PPP1R14C: variants seen among roughly 807,000 people sequenced by gnomAD.
PPP1R14C encodes protein phosphatase 1 regulatory subunit 14C.
PPP1R14C carries 16 observed loss-of-function variants against 20.4 expected under a neutral mutation model. That is an observed-to-expected ratio of 0.78 (90% CI 0.53 to 1.19). The LOEUF (loss-of-function observed/expected upper bound fraction) is 1.19, where lower values mean the gene tolerates loss of function less well. Ranked by LOEUF, PPP1R14C falls within the 50% of genes most tolerant of loss-of-function variation. The probability of loss-of-function intolerance (pLI) is 0.00; values close to 1 mark genes in which losing one functional copy is unlikely to be tolerated. For missense variants in PPP1R14C, 211 were observed against 220.1 expected, an observed-to-expected ratio of 0.96 and a Z score of 0.26; for synonymous variants, 91 against 91.0, an observed-to-expected ratio of 1.00 and a Z score of 0.00.
At chr6:150,180,002 G>A (rs1287467039) in intron 1 of PPP1R14C, among the ~76,000 whole-genome samples, 1 of 152,172 alleles carries the variant, frequency 6.6e-6, no homozygotes, top group Non-Finnish European at 1.5e-5. Flanking sequence ...AGGAGTTTGA[G>A]ACCAGCCTGG....
At chr6:150,160,803 T>G (rs114559475) in intron 1 of PPP1R14C, among the ~76,000 whole-genome samples, 152 of 152,266 alleles carry the variant, frequency 1.0e-3, no homozygotes, top group African/African-American at 3.5e-3. Flanking sequence ...TGCGAGCTGT[T>G]TCGATTGGTT....
chr6:150,246,782 G>A (rs1778497780), intron 3 of PPP1R14C, among the ~76,000 whole-genome samples: 1 of 152,196 alleles, frequency 6.6e-6, no homozygotes, highest in Non-Finnish European at 1.5e-5. Flanking sequence ...GAATTAAGCA[G>A]ATTGTATAAC....
At chr6:150,148,989 G>T (rs566211327) in intron 1 of PPP1R14C, among the ~76,000 whole-genome samples, 3 of 152,186 alleles carry the variant, frequency 2.0e-5, no homozygotes, top group African/African-American at 7.2e-5. Context: ...ACCTGAGCCC[G>T]GGGAGGTTAA....
chr6:150,211,264 C>G (rs1189044862), intron 1 of PPP1R14C, among the ~76,000 whole-genome samples: 1 of 152,240 alleles, frequency 6.6e-6, no homozygotes, highest in African/African-American at 2.4e-5. Flanking sequence ...GTGCCTTGCA[C>G]TCTGCGGACT....
intron 3 of PPP1R14C, among the ~76,000 whole-genome samples, chr6:150,245,207 G>C (rs1289879027): frequency 6.6e-6 from 1 of 152,072 alleles, no homozygotes; most frequent in Non-Finnish European, 1.5e-5. Flanking sequence ...CTACCCACTT[G>C]TTTCCATCTG....
chr6:150,219,583 T>C (rs1338596335), intron 3 of PPP1R14C, among the ~76,000 whole-genome samples: 1 of 152,172 alleles, frequency 6.6e-6, no homozygotes, highest in African/African-American at 2.4e-5. Flanking sequence ...AGTGTGTTTG[T>C]CAAACATGTA....
chr6:150,156,871 G>A (rs901849445), intron 1 of PPP1R14C, among the ~76,000 whole-genome samples: 15 of 152,176 alleles, frequency 9.9e-5, no homozygotes, highest in Admixed American at 3.3e-4. Context: ...ACCAGAAGCA[G>A]TTTACATGGA....
At chr6:150,188,882 A>C (rs1247734643) in intron 1 of PPP1R14C, among the ~76,000 whole-genome samples, 1 of 147,918 alleles carries the variant, frequency 6.8e-6, no homozygotes, top group Admixed American at 6.8e-5. Context: ...TTTTTTAGAC[A>C]GATTCTTGCT....
chr6:150,240,457 T>C (rs577793869), intron 3 of PPP1R14C, among the ~76,000 whole-genome samples: 10 of 152,356 alleles, frequency 6.6e-5, no homozygotes, highest in Admixed American at 2.0e-4. Flanking sequence ...GAGTGCTGGT[T>C]ACAGAAACCT....
intron 1 of PPP1R14C, among the ~76,000 whole-genome samples, chr6:150,168,872 A>G (rs1246221981): frequency 2.0e-5 from 3 of 152,158 alleles, no homozygotes; most frequent in Non-Finnish European, 2.9e-5. Context: ...TAACATATCG[A>G]TAGAAAATTA....
chr6:150,215,788 A>G (rs1778083836), intron 2 of PPP1R14C, among the ~76,000 whole-genome samples: 1 of 152,118 alleles, frequency 6.6e-6, no homozygotes, highest in African/African-American at 2.4e-5. Flanking sequence ...AGCTATCATC[A>G]CCCCGCACCC....
chr6:150,143,536 C>G lies in PPP1R14C; in HGVS notation c.306+38C>G, dbSNP rs769837789. 4.1e-5 allele frequency: 56 copies of G among 1,363,386 alleles called. No homozygotes were observed. The highest frequency in any genetic ancestry group is 5.3e-5 in the Non-Finnish European group (52 of 989,372). 84.5% of individuals were successfully genotyped at this position (1,363,386 alleles called of 1,614,324 possible). Reference sequence around the variant, plus strand: ...GGGGCTGGGAGGGTCGGGGACCTCTCTAGCTCCTCTGTGCCCGCGCAGTAA... The same window carrying G: ...GGGGCTGGGAGGGTCGGGGACCTCTGTAGCTCCTCTGTGCCCGCGCAGTAA... On this transcript the variant is annotated intron_variant, in intron 1 of 3. Coordinates refer to ENST00000361131, the MANE Select transcript of PPP1R14C (RefSeq NM_030949.3). The surrounding 1 kb of genome is among the most constrained non-coding windows in gnomAD (Gnocchi z 5.6).
At chr6:150,176,882 G>C (rs1455080030) in intron 1 of PPP1R14C, among the ~76,000 whole-genome samples, 1 of 152,182 alleles carries the variant, frequency 6.6e-6, no homozygotes, top group Non-Finnish European at 1.5e-5. Context: ...TACGGATGAG[G>C]CCACTCAAGG....
At chr6:150,187,247 C>CTGTGTGTGTG (rs61153538) in intron 1 of PPP1R14C, among the ~76,000 whole-genome samples, 1,835 of 141,548 alleles carry the variant, frequency 0.013, 22 homozygotes, top group Middle Eastern at 0.046. Flanking sequence ...TTCTCTTTCT[C>CTGTGTGTGTG]TGTGTGTGTG....
intron 1 of PPP1R14C, among the ~76,000 whole-genome samples, chr6:150,144,946 T>A (rs890357500): frequency 1.3e-4 from 20 of 152,240 alleles, no homozygotes; most frequent in Non-Finnish European, 4.4e-5. Context: ...TGAGTGGATG[T>A]GCTCAGTCCT....
intron 1 of PPP1R14C, among the ~76,000 whole-genome samples, chr6:150,163,934 A>G (rs1777398236): frequency 6.6e-6 from 1 of 152,216 alleles, no homozygotes; most frequent in Non-Finnish European, 1.5e-5. Flanking sequence ...GTGTATATTC[A>G]GCATTGCTAG....
chr6:150,215,218 TG>T (rs1778075025), intron 2 of PPP1R14C, among the ~76,000 whole-genome samples: 3 of 152,248 alleles, frequency 2.0e-5, no homozygotes. Context: ...CTCACAGTTG[TG>T]GACTGTATCA....
intron 1 of PPP1R14C, among the ~76,000 whole-genome samples, chr6:150,207,067 G>A (rs376713509): frequency 2.9e-4 from 44 of 152,084 alleles, no homozygotes; most frequent in African/African-American, 9.6e-4. Flanking sequence ...GTTTCAACAC[G>A]TTGGTCAGGC....
chr6:150,223,486 T>G (rs571297754), intron 3 of PPP1R14C, among the ~76,000 whole-genome samples: 1 of 152,220 alleles, frequency 6.6e-6, no homozygotes, highest in Non-Finnish European at 1.5e-5. Flanking sequence ...TTCTTGTTGC[T>G]CCACATCCTC....
Sources: allele counts gnomAD v4.1 joint callset (sites outside exome capture counted in the v4.1 genomes callset), GRCh38; gene constraint gnomAD v4.1.1; non-coding constraint Gnocchi (gnomAD v3.1); transcripts MANE v1.5; gene names NCBI Gene and HGNC (gene_info 2026-07-23, HGNC 2026-07-21).